The following MCU variants were observed in gnomAD, a reference collection of about 807,000 sequenced individuals.
MCU encodes mitochondrial calcium uniporter.
Under a neutral mutation model 45.2 loss-of-function variants are expected in MCU, and 12 were observed. The observed-to-expected ratio is 0.27, with a 90% confidence interval of 0.17 to 0.43. MCU has a LOEUF of 0.43. MCU is among the 20% of genes least tolerant of loss of function. MCU has a pLI of 1.00. For synonymous variants in MCU, 160 were observed against 165.1 expected (o/e 0.97, Z 0.24); for missense variants, 324 against 436.7 (o/e 0.74, Z 2.30).
intron 1 of MCU, among the ~76,000 whole-genome samples, chr10:72,808,073 T>C (rs897055513): frequency 2.0e-5 from 3 of 152,202 alleles, no homozygotes; most frequent in Admixed American, 6.5e-5. Flanking sequence ...AGGAGAAGAA[T>C]AACCTGAATT....
At chr10:72,794,163 G>A (rs867111183) in intron 1 of MCU, among the ~76,000 whole-genome samples, 4 of 152,036 alleles carry the variant, frequency 2.6e-5, no homozygotes, top group Middle Eastern at 3.4e-3. Context: ...CTCCTTGGTC[G>A]CAGTTACTTT....
intron 1 of MCU, among the ~76,000 whole-genome samples, chr10:72,781,126 A>C (rs7910650): frequency 0.053 from 8,011 of 152,250 alleles, 707 homozygotes; most frequent in African/African-American, 0.18. Context: ...TATGGAGGAA[A>C]TTTAGGTAGG....
chr10:72,846,546 CCTTATTTTA>C (rs1358918654), intron 2 of MCU, among the ~76,000 whole-genome samples: 4 of 152,054 alleles, frequency 2.6e-5, no homozygotes, highest in African/African-American at 9.7e-5. Context: ...GTCAAGTAAC[CCTTATTTTA>C]CTTAATACTA....
intron 1 of MCU, among the ~76,000 whole-genome samples, chr10:72,745,253 A>G (rs1366900990): frequency 6.6e-6 from 1 of 151,324 alleles, no homozygotes; most frequent in African/African-American, 2.4e-5. Context: ...TTTGAGATGG[A>G]GTTTCACTCT....
chr10:72,853,521 A>G (rs1317339543), intron 2 of MCU, among the ~76,000 whole-genome samples: 1 of 152,222 alleles, frequency 6.6e-6, no homozygotes, highest in Non-Finnish European at 1.5e-5. Context: ...GGACAATATC[A>G]CAATGGCCTA....
At chr10:72,872,791 T>C (rs929446057) in intron 6 of MCU, among the ~76,000 whole-genome samples, 23 of 152,272 alleles carry the variant, frequency 1.5e-4, no homozygotes, top group African/African-American at 5.1e-4. Flanking sequence ...ACTAGTGGGA[T>C]TGCCAGATTG....
At chr10:72,795,588 A>G (rs1216501243) in intron 1 of MCU, among the ~76,000 whole-genome samples, 1 of 152,172 alleles carries the variant, frequency 6.6e-6, no homozygotes, top group African/African-American at 2.4e-5. Context: ...AGTGGGGGAA[A>G]TGGAGTGTGG....
chr10:72,838,616 G>A (rs1396160052), intron 2 of MCU, among the ~76,000 whole-genome samples: 1 of 152,050 alleles, frequency 6.6e-6, no homozygotes, highest in Non-Finnish European at 1.5e-5. Context: ...CTGAACGACA[G>A]AGTCAGACCT....
At chr10:72,870,561 C>T (rs1403841103) in intron 5 of MCU, among the ~76,000 whole-genome samples, 3 of 152,140 alleles carry the variant, frequency 2.0e-5, no homozygotes, top group Non-Finnish European at 2.9e-5. Flanking sequence ...GGATTACAGG[C>T]GTGAGCCACC....
chr10:72,783,713 C>G (rs1287383103), intron 1 of MCU, among the ~76,000 whole-genome samples: 1 of 152,112 alleles, frequency 6.6e-6, no homozygotes, highest in Non-Finnish European at 1.5e-5. Context: ...GGAGAGAGAT[C>G]ATGCCAAGAA....
At chr10:72,855,645 A>T (rs971078684) in intron 2 of MCU, among the ~76,000 whole-genome samples, 1 of 152,226 alleles carries the variant, frequency 6.6e-6, no homozygotes, top group African/African-American at 2.4e-5. Context: ...TAAAGAGATT[A>T]AAAGATAGTA....
chr10:72,730,667 T>A (rs1843161204), intron 1 of MCU: 1 of 152,220 alleles, frequency 6.6e-6, no homozygotes, highest in South Asian at 2.1e-4. Context: ...GAACAGTCTC[T>A]GAATATGACC....
intron 1 of MCU, among the ~76,000 whole-genome samples, chr10:72,725,691 G>GC (rs58176744): frequency 1 from 152,285 of 152,286 alleles, 76,142 homozygotes; most frequent in Non-Finnish European, 1. Context: ...TTCGAGACCA[G>GC]CTGACCAACA....
At chr10:72,817,481 C>G (rs147858921) in intron 1 of MCU, among the ~76,000 whole-genome samples, 1 of 152,124 alleles carries the variant, frequency 6.6e-6, no homozygotes, top group Non-Finnish European at 1.5e-5. Context: ...CTTTGCTTGC[C>G]GTGACCACTG....
In MCU at chr10:72,739,698, T is replaced by C. The variant is rs529570286; in HGVS notation, c.150+47397T>C. Among the ~76,000 whole-genome samples the C allele has an allele frequency of 1.6e-3, 221 of 139,740 alleles. 2 individuals are homozygous for C. Among genetic ancestry groups the C allele is most frequent in the African/African-American group, 5.4e-3 (202 of 37,226 alleles). The allele number at this position is 139,740 out of a possible 152,430, so 91.7% of individuals were successfully genotyped here. ...AGTTAGCCAATGAAGAACATTAAGA[T>C]TTTTTTTTTTTTTTTGAGACCAGGC... On this transcript the variant is annotated intron_variant, in intron 1 of 7. Coordinates refer to ENST00000373053, the MANE Select transcript of MCU (RefSeq NM_138357.3).
At chr10:72,833,628 G>T (rs373223653) in intron 1 of MCU, among the ~76,000 whole-genome samples, 1 of 152,176 alleles carries the variant, frequency 6.6e-6, no homozygotes, top group African/African-American at 2.4e-5. Flanking sequence ...ACTTTTTGGG[G>T]TTGGGAAAGT....
At chr10:72,713,423 G>T (rs1842919153) in intron 1 of MCU, among the ~76,000 whole-genome samples, 1 of 152,158 alleles carries the variant, frequency 6.6e-6, no homozygotes, top group African/African-American at 2.4e-5. Flanking sequence ...GGGATTACAG[G>T]TGCCTGCCAC....
chr10:72,781,846 T>C (rs1360720062), intron 1 of MCU, among the ~76,000 whole-genome samples: 1 of 152,170 alleles, frequency 6.6e-6, no homozygotes, highest in African/African-American at 2.4e-5. Context: ...TTGGAATCCA[T>C]TTTAGTGACA....
chr10:72,748,674 G>C (rs1843449895), intron 1 of MCU, among the ~76,000 whole-genome samples: 1 of 151,912 alleles, frequency 6.6e-6, no homozygotes, highest in Admixed American at 6.6e-5. Flanking sequence ...TTTTAAAAAG[G>C]AGATATAAGG....
Sources: gnomAD v4.1 joint callset for allele counts (sites outside exome capture counted in the v4.1 genomes callset) on GRCh38, gnomAD v4.1.1 for gene constraint, MANE v1.5 for transcripts, NCBI Gene and HGNC (gene_info 2026-07-23, HGNC 2026-07-21) for gene names.